DNAAF8: variants seen among roughly 807,000 people sequenced by gnomAD.
DNAAF8 encodes dynein axonemal-associated protein 1.
A neutral mutation model predicts 54.6 loss-of-function variants in DNAAF8; 61 were observed. The ratio of observed to expected loss-of-function variants is 1.12; its 90% CI spans 0.91 to 1.38. The LOEUF (loss-of-function observed/expected upper bound fraction) is 1.38, where lower values mean the gene tolerates loss of function less well. Ranked by LOEUF, DNAAF8 falls within the 40% of genes most tolerant of loss-of-function variation. The pLI is 0.00. For synonymous variants in DNAAF8, 320 were observed against 270.1 expected, an observed-to-expected ratio of 1.18 and a Z score of -1.81; for missense variants, 837 against 665.0, an observed-to-expected ratio of 1.26 and a Z score of -2.85.
At position 4,737,946 on chromosome 16, in the gene DNAAF8, G is replaced by A. The variant is rs1341815611; in HGVS notation, c.276G>A (p.Glu92=). 1 of 1,614,002 alleles carries A rather than the reference G, an allele frequency of 6.2e-7. No individual in the cohort carries two copies. The highest frequency in any genetic ancestry group is 1.1e-5 in the South Asian group (1 of 91,082). The change falls in exon 3 of 10, where the codon GAG becomes GAA. Residue 92 remains glutamate (E), a splice_region_variant and synonymous_variant. Coordinates refer to ENST00000299320, the MANE Select transcript of DNAAF8 (RefSeq NM_139170.3). ...CTGCAGCTGAAGAGTCCCTTCCCGAGGTCTGTGGGACACAGAAGAGTATAC... is the reference window on the plus strand; with the variant it reads ...CTGCAGCTGAAGAGTCCCTTCCCGAAGTCTGTGGGACACAGAAGAGTATAC... ...WVAAAEESLP[E]PVLVPAELAT...
chr16:4,739,265 G>GTTTTTTCTTTTTTTTT (rs2081931651), intron 3 of DNAAF8, among the ~76,000 whole-genome samples: 1 of 69,030 alleles, frequency 1.4e-5, no homozygotes, highest in African/African-American at 5.4e-5. Context: ...ATTTTTTCTT[G>GTTTTTTCTTTTTTTTT]TTTTTTTTTT....
rs765641369 is a variant in DNAAF8 at position 4,746,938 on chromosome 16, G to A, written c.1193G>A (p.Ser398Asn). The A allele has an allele frequency of 1.3e-6, 2 of 1,561,690 alleles. No individual in the cohort carries two copies. Among genetic ancestry groups the A allele is most frequent in the Non-Finnish European group, 1.7e-6 (2 of 1,156,704 alleles). The change falls in exon 8 of 10, where the codon AGC (serine) becomes AAC (asparagine). Residue 398 changes from serine (S) to asparagine (N), a missense_variant. Ser to Asn is a conservative substitution (Grantham distance 46, BLOSUM62 1). Transcript: ENST00000299320. ...DHLSPESSSH[S>N]SSDSEEEEEE... ...TTCTCTCCCTGCAGCTCCAGCCACA[G>A]CTCCTCTGACAGTGAGGAGGAGGAG...
chr16:4,746,833 G>A, intron 7 of DNAAF8, 94 bp from the exon 8 acceptor site: 1 of 1,200,680 alleles, frequency 8.3e-7, no homozygotes, highest in Non-Finnish European at 1.1e-6. Context: ...TCTTGCATTG[G>A]GTCACCAGCA....
At position 4,746,444 on chromosome 16, in the gene DNAAF8, C is replaced by T. The variant is rs199970800; in HGVS notation, c.1113C>T (p.Asn371=). 97 of 1,613,664 alleles carry T rather than the reference C, an allele frequency of 6.0e-5. 1 individual carries two copies. In the East Asian group the frequency reaches 7.4e-4, roughly 12 times the overall value. ...GPQLAQGMRL[N]AESPTIFIDL... ...AGCTGGCCCAGGGCATGAGGCTTAA[C>T]GCAGAGTCCCCCACCATCTTTATTG... The change falls in exon 7 of 10, where the codon AAC becomes AAT. Residue 371 remains asparagine (N), a synonymous_variant. Transcript: ENST00000299320.
chr16:4,746,568 G>A (rs1324258708), intron 7 of DNAAF8, 56 bp downstream of exon 7: 1 of 1,558,658 alleles, frequency 6.4e-7, no homozygotes, highest in Non-Finnish European at 8.7e-7. Flanking sequence ...GTTGCCTGTT[G>A]ACCGCACAGA....
intron 6 of DNAAF8, among the ~76,000 whole-genome samples, chr16:4,745,808 C>G (rs1030910043): frequency 6.6e-6 from 1 of 152,078 alleles, no homozygotes; most frequent in African/African-American, 2.4e-5. Flanking sequence ...AAAAAATTTT[C>G]CAGGCATGTT....
intron 1 of DNAAF8, among the ~76,000 whole-genome samples, chr16:4,736,221 A>T (rs2081897593): frequency 6.6e-6 from 1 of 152,146 alleles, no homozygotes; most frequent in Non-Finnish European, 1.5e-5. Context: ...GTATATTATT[A>T]TGTATATATC....
rs775139625 is a variant in DNAAF8, at chr16:4,740,447, C to A, written c.571C>A (p.Gln191Lys). The A allele has an allele frequency of 3.6e-5, 58 of 1,613,876 alleles. 1 individual carries two copies. The East Asian group carries it at 1.2e-3, about 34-fold the overall frequency. The change falls in exon 4 of 10, where the codon CAA (glutamine) becomes AAA (lysine). Residue 191 changes from glutamine (Q) to lysine (K), a missense_variant. Coordinates refer to ENST00000299320, the MANE Select transcript of DNAAF8 (RefSeq NM_139170.3). ...PKAEPLSTASQESVNRRALRQ... is the reference protein window; with the variant it reads ...PKAEPLSTASKESVNRRALRQ... ...GGCAGAGCCCCTCAGCACTGCCTCA[C>A]AAGAATCTGTGAACCGCCGGGCCCT...
chr16:4,743,449 G>C, intron 5 of DNAAF8: 1 of 247,872 alleles, frequency 4.0e-6, no homozygotes, highest in South Asian at 1.0e-4. Context: ...CACCTCCCTG[G>C]GCCAGCCTGC....
intron 2 of DNAAF8, among the ~76,000 whole-genome samples, chr16:4,736,854 C>T (rs2081906782): frequency 6.6e-6 from 1 of 152,166 alleles, no homozygotes; most frequent in Non-Finnish European, 1.5e-5. Context: ...CCTTGATTGT[C>T]ATCTCTGAGC....
In DNAAF8 at chr16:4,740,806, G is replaced by A. The variant is rs965991394; in HGVS notation, c.783+147G>A. On this transcript the variant is annotated intron_variant, in intron 4 of 9. Transcript: ENST00000299320. The stretch of plus-strand genomic sequence containing the variant: ...TCCACCATTCTGTGTACCTGTCTCA[G>A]TAGAGGGGTGGAGGGTCCCAGCAGA... 9 of 1,094,040 alleles carry A rather than the reference G, an allele frequency of 8.2e-6. No homozygotes were observed. The African/African-American group carries it at 1.3e-4, about 15-fold the overall frequency. The allele number at this position is 1,094,040 out of a possible 1,614,324, so 67.8% of individuals were successfully genotyped here.
Position 4,737,905 on chromosome 16 carries a change from T to G in DNAAF8, c.235T>G (p.Ser79Ala). The G allele has an allele frequency of 1.2e-6, 2 of 1,614,196 alleles. No individual in the cohort carries two copies. The highest frequency in any genetic ancestry group is 1.7e-6 in the Non-Finnish European group (2 of 1,180,020). The change falls in exon 3 of 10, where the codon TCC becomes GCC. Residue 79 changes from serine (S) to alanine (A), a missense_variant. By Grantham distance (99) the Ser-to-Ala change is moderately conservative. Transcript: ENST00000299320. Reference protein sequence around the residue: ...LAEDPADGDKSRAWVAAAEES... With the variant: ...LAEDPADGDKARAWVAAAEES... ...TGAAGATCCTGCCGATGGCGACAAG[T>G]CCAGGGCCTGGGTCGCTGCAGCTGA...
chr16:4,743,294 C>T (rs2081975648), intron 5 of DNAAF8, 134 bp downstream of exon 5: 2 of 614,962 alleles, frequency 3.3e-6, no homozygotes, highest in Admixed American at 7.0e-5. Flanking sequence ...TGGCCCCGCC[C>T]TAAACACTCA....
rs755445383 is a variant in DNAAF8 at position 4,743,130 on chromosome 16, T to G, written c.871T>G (p.Trp291Gly). The stretch of plus-strand genomic sequence containing the variant: ...GGGAAATCGTGCACCTGGAACTGTG[T>G]GGTGGGCAGCTGACCACCGCCAAGT... ...NQGNRAPGTV[W>G]WAADHRQVQD... Residue 291 changes from tryptophan to glycine, a missense_variant, in exon 5 of 10, where the codon TGG (tryptophan) becomes GGG (glycine). Trp to Gly is a radical substitution (Grantham distance 184). Transcript: ENST00000299320. 2.5e-6 allele frequency: 4 copies of G among 1,610,306 alleles called. No individual in the cohort carries two copies. Among genetic ancestry groups the G allele is most frequent in the Non-Finnish European group, 3.4e-6 (4 of 1,178,194 alleles).
At position 4,747,397 on chromosome 16, in the gene DNAAF8, G is replaced by A. The variant is rs1440360088; in HGVS notation, c.1335G>A (p.Gly445=). The A allele has an allele frequency of 2.5e-6, 4 of 1,612,070 alleles. No individual in the cohort carries two copies. In the African/African-American group the frequency reaches 4.0e-5, roughly 16 times the overall value. ...AGCAGCTCAGGGCCTTTCAGAAGGG[G>A]ACAGCCCAGCCCGAGCTGCCTGCCA... ...LLQQLRAFQK[G]TAQPELPASK... Residue 445 remains glycine, a synonymous_variant, in exon 9 of 10, where the codon GGG becomes GGA. Coordinates refer to ENST00000299320, the MANE Select transcript of DNAAF8 (RefSeq NM_139170.3).
In DNAAF8 at chr16:4,746,951, T is replaced by A. The variant is rs2082024613; in HGVS notation, c.1206T>A (p.Ser402Arg). The A allele has an allele frequency of 6.8e-7, 1 of 1,464,342 alleles. No homozygotes were observed. Among genetic ancestry groups the A allele is most frequent in the African/African-American group, 1.4e-5 (1 of 70,012 alleles). The allele number at this position is 1,464,342 out of a possible 1,614,324, so 90.7% of individuals were successfully genotyped here. The change falls in exon 8 of 10, where the codon AGT becomes AGA. Residue 402 changes from serine to arginine, a missense_variant. Coordinates refer to ENST00000299320, the MANE Select transcript of DNAAF8 (RefSeq NM_139170.3). ...GCTCCAGCCACAGCTCCTCTGACAG[T>A]GAGGAGGAGGAGGAGGAAGAGATGG... ...PESSSHSSSDSEEEEEEEMAA... is the reference protein window; with the variant it reads ...PESSSHSSSDREEEEEEEMAA...
Position 4,746,484 on chromosome 16 carries a change from G to T in DNAAF8, c.1153G>T (p.Glu385Ter). Residue 385 changes from glutamate (E) to a stop codon, truncating the protein, a stop_gained, in exon 7 of 10, where the codon GAG becomes TAG. Transcript: ENST00000299320. LOFTEE classifies it high-confidence loss of function. ...CATCTTTATTGACCTGCGGCAGATG[G>T]AGCTACCAGACCACCTGTCCCCAGA... ...PTIFIDLRQM[E>*]LPDHLSPESS... is the part of the protein sequence containing the mutation. 6.2e-7 allele frequency: 1 copy of T among 1,613,750 alleles called. No homozygotes were observed. Among genetic ancestry groups the T allele is most frequent in the Non-Finnish European group, 8.5e-7 (1 of 1,180,022 alleles).
chr16:4,737,617 A>G (rs1006275547), intron 2 of DNAAF8, among the ~76,000 whole-genome samples, 183 bp from the exon 3 acceptor site: 2 of 151,992 alleles, frequency 1.3e-5, no homozygotes, highest in Non-Finnish European at 2.9e-5. Context: ...AGCCGCGCAC[A>G]GCAAGGCTGA....
At chr16:4,745,248 T>C (rs1445113231) in intron 6 of DNAAF8, among the ~76,000 whole-genome samples, 1 of 152,174 alleles carries the variant, frequency 6.6e-6, no homozygotes, top group African/African-American at 2.4e-5. Flanking sequence ...AGCCCTCAAG[T>C]ACCTGCTCTT....
Sources: gnomAD v4.1 joint callset for allele counts (sites outside exome capture counted in the v4.1 genomes callset) on GRCh38, gnomAD v4.1.1 for gene constraint, MANE v1.5 for transcripts, NCBI Gene and HGNC (gene_info 2026-07-23, HGNC 2026-07-21) for gene names.